NALF1: variants seen among roughly 807,000 people sequenced by gnomAD.
The protein encoded by NALF1 is NALCN channel auxiliary factor 1.
Under a neutral mutation model 48.4 loss-of-function variants are expected in NALF1, and 3 were observed. The observed-to-expected ratio is 0.06, with a 90% confidence interval of 0.03 to 0.16. The LOEUF is 0.16. Among genes scored for constraint, NALF1 ranks in the 10% least tolerant of loss-of-function variants. The pLI is 1.00. For missense variants in NALF1, 526 were observed against 571.5 expected, an observed-to-expected ratio of 0.92 and a Z score of 0.81; for synonymous variants, 262 against 245.7, an observed-to-expected ratio of 1.07 and a Z score of -0.62.
chr13:107,778,237 A>G (rs1877792368), intron 1 of NALF1, among the ~76,000 whole-genome samples: 2 of 152,208 alleles, frequency 1.3e-5, no homozygotes, highest in African/African-American at 4.8e-5. Flanking sequence ...TTCAGAACAA[A>G]GGAAACATCT....
chr13:107,614,769 T>C (rs538132208), intron 1 of NALF1, among the ~76,000 whole-genome samples: 18 of 151,862 alleles, frequency 1.2e-4, no homozygotes, highest in African/African-American at 3.9e-4. Flanking sequence ...TTTTTCTTTT[T>C]TTTTTTTTCT....
chr13:107,249,747 A>C (rs1880658060), intron 1 of NALF1, among the ~76,000 whole-genome samples: 1 of 152,122 alleles, frequency 6.6e-6, no homozygotes, highest in South Asian at 2.1e-4. Context: ...AGTAAATCAA[A>C]ATGTCTTTTA....
intron 1 of NALF1, among the ~76,000 whole-genome samples, chr13:107,651,956 C>T (rs1311254688): frequency 1.3e-5 from 2 of 152,086 alleles, no homozygotes; most frequent in African/African-American, 4.8e-5. Flanking sequence ...TGAAAGTTTT[C>T]CATTTTAATG....
intron 1 of NALF1, among the ~76,000 whole-genome samples, chr13:107,482,925 C>A (rs1885275678): frequency 6.6e-6 from 1 of 152,188 alleles, no homozygotes. Flanking sequence ...GCCTCAGCCC[C>A]ATGTAACTCT....
intron 1 of NALF1, among the ~76,000 whole-genome samples, chr13:107,446,644 T>C (rs1027838751): frequency 2.6e-5 from 4 of 152,238 alleles, no homozygotes; most frequent in Non-Finnish European, 5.9e-5. Context: ...AAAATTTAAA[T>C]ATTATTTATA....
At chr13:107,203,259 C>T (rs1879559838) in intron 2 of NALF1, among the ~76,000 whole-genome samples, 1 of 152,208 alleles carries the variant, frequency 6.6e-6, no homozygotes, top group South Asian at 2.1e-4. Flanking sequence ...CCCGCTTTGA[C>T]AGCCACTGTG....
intron 1 of NALF1, among the ~76,000 whole-genome samples, chr13:107,651,834 T>A (rs930921972): frequency 1.2e-4 from 18 of 152,150 alleles, no homozygotes; most frequent in Non-Finnish European, 1.5e-4. Context: ...GACATCAGAA[T>A]AGAGGGAAGG....
At chr13:107,210,859 TAA>T in intron 1 of NALF1, 104 bp from the exon 2 acceptor site, 1 of 714,956 alleles carries the variant, frequency 1.4e-6, no homozygotes, top group Non-Finnish European at 2.4e-6. Context: ...AAGTGGATCC[TAA>T]GAGAGCCCTC....
At chr13:107,196,635 A>C (rs1413858202) in intron 2 of NALF1, among the ~76,000 whole-genome samples, 7 of 152,200 alleles carry the variant, frequency 4.6e-5, no homozygotes, top group Non-Finnish European at 8.8e-5. Context: ...GTGGAATCTA[A>C]AAAACCAAAA....
intron 1 of NALF1, among the ~76,000 whole-genome samples, chr13:107,226,561 T>G (rs1326660423): frequency 2.6e-4 from 39 of 152,202 alleles, no homozygotes; most frequent in Non-Finnish European, 5.9e-5. Context: ...TTGCTCGAAT[T>G]TCATAGACTA....
intron 1 of NALF1, among the ~76,000 whole-genome samples, chr13:107,834,450 T>C (rs1468211861): frequency 6.6e-6 from 1 of 152,208 alleles, no homozygotes; most frequent in African/African-American, 2.4e-5. Flanking sequence ...AAAAAATGAA[T>C]GAATCATGCC....
chr13:107,411,008 T>C (rs796535186), intron 1 of NALF1, among the ~76,000 whole-genome samples: 3 of 152,196 alleles, frequency 2.0e-5, no homozygotes, highest in African/African-American at 7.2e-5. Context: ...AAACTAGCAA[T>C]GGAAATGCTT....
In NALF1 at chr13:107,648,179, G is replaced by C. The variant is rs138511053; in HGVS notation, c.915+217503C>G. The stretch of plus-strand genomic sequence containing the variant: ...TACAACCGATGAATCAATATTGACA[G>C]ATTATGATTAACTGAATTCCCTCAT... On this transcript the variant is annotated intron_variant, in intron 1 of 2. Coordinates refer to ENST00000375915, the MANE Select transcript of NALF1 (RefSeq NM_001080396.3). 1.5e-3 allele frequency among the ~76,000 whole-genome samples: 235 copies of C among 152,252 alleles called. 2 individuals are homozygous for C. Among genetic ancestry groups the C allele is most frequent in the African/African-American group, 5.2e-3 (216 of 41,560 alleles).
chr13:107,816,401 A>G (rs1272114657), intron 1 of NALF1, among the ~76,000 whole-genome samples: 1 of 152,194 alleles, frequency 6.6e-6, no homozygotes, highest in East Asian at 1.9e-4. Flanking sequence ...GGCAAAAGGC[A>G]CTTCTTACAT....
At chr13:107,420,205 G>A (rs1057502159) in intron 1 of NALF1, among the ~76,000 whole-genome samples, 1 of 152,028 alleles carries the variant, frequency 6.6e-6, no homozygotes, top group Non-Finnish European at 1.5e-5. Context: ...TTTATAGTCA[G>A]CAATAGCAAT....
At chr13:107,367,539 C>A (rs1594139586) in intron 1 of NALF1, among the ~76,000 whole-genome samples, 1 of 152,184 alleles carries the variant, frequency 6.6e-6, no homozygotes, top group Admixed American at 6.5e-5. Context: ...GAATTAATTA[C>A]AGAAGTGGCC....
chr13:107,853,658 T>A (rs945932583), intron 1 of NALF1, among the ~76,000 whole-genome samples: 2 of 152,204 alleles, frequency 1.3e-5, no homozygotes, highest in East Asian at 1.9e-4. Flanking sequence ...ACTAATAAAT[T>A]TAATTCTAAA....
At chr13:107,433,292 A>C (rs1473590800) in intron 1 of NALF1, among the ~76,000 whole-genome samples, 2 of 152,220 alleles carry the variant, frequency 1.3e-5, no homozygotes, top group African/African-American at 4.8e-5. Context: ...CAGTTGCCAT[A>C]CATCAATGAC....
rs377764698 is a variant in NALF1, at chr13:107,517,123, T to G, written c.916-306368A>C. 1.6e-4 allele frequency among the ~76,000 whole-genome samples: 25 copies of G among 152,312 alleles called. No homozygotes were observed. In the Middle Eastern group the frequency reaches 0.01, roughly 62 times the overall value. The stretch of plus-strand genomic sequence containing the variant: ...TATATGTATATGTGTATATCTGGGC[T>G]TCAATTCTGACTGATATTTTATGAT... On this transcript the variant is annotated intron_variant, in intron 1 of 2. Transcript: ENST00000375915.
Sources: allele counts gnomAD v4.1 joint callset (sites outside exome capture counted in the v4.1 genomes callset), GRCh38; gene constraint gnomAD v4.1.1; transcripts MANE v1.5; gene names NCBI Gene and HGNC (gene_info 2026-07-23, HGNC 2026-07-21).